GALNT8: variants seen among roughly 807,000 people sequenced by gnomAD.
GALNT8 encodes probable polypeptide N-acetylgalactosaminyltransferase 8.
GALNT8 carries 66 observed loss-of-function variants against 62.7 expected under a neutral mutation model. That is an observed-to-expected ratio of 1.05 (90% CI 0.86 to 1.29). The LOEUF (loss-of-function observed/expected upper bound fraction) is 1.29. Ranked by LOEUF, GALNT8 falls within the 50% of genes most tolerant of loss-of-function variation. The pLI is 0.00. For missense variants in GALNT8, 771 were observed against 791.8 expected (o/e 0.97, Z 0.32); for synonymous variants, 288 against 294.3 (o/e 0.98, Z 0.22).
intron 3 of GALNT8, among the ~76,000 whole-genome samples, chr12:4,743,329 C>G (rs1946280464): frequency 6.6e-6 from 1 of 152,212 alleles, no homozygotes; most frequent in Admixed American, 6.5e-5. Flanking sequence ...CCAGCTTACT[C>G]CCAGAGGAAG....
intron 3 of GALNT8, 61 bp downstream of exon 3, chr12:4,739,390 GA>G (rs1946260935): frequency 1.4e-6 from 2 of 1,435,166 alleles, no homozygotes; most frequent in Admixed American, 3.7e-5. Context: ...TGCTTGGCTG[GA>G]AAGAGGTTTT....
rs1946195448 is a variant in GALNT8 at position 4,726,380 on chromosome 12, C to G, written c.212-152C>G. On this transcript the variant is annotated intron_variant, in intron 1 of 10. Transcript: ENST00000252318. This position sits in a 1 kb window ranked among gnomAD's most constrained non-coding sequence, Gnocchi z 4.1. ...CAGCCTTGCATGGCTGGATAAGTTC[C>G]CTGACATACTACATCCTCTGTGACA... 2 of 617,360 alleles carry G rather than the reference C, an allele frequency of 3.2e-6. No individual in the cohort carries two copies. The highest frequency in any genetic ancestry group is 5.6e-6 in the Non-Finnish European group (2 of 354,798). The allele number at this position is 617,360 out of a possible 1,614,324, so 38.2% of individuals were successfully genotyped here. A position where few individuals can be genotyped will look rare whatever the true frequency, so the allele number is the denominator to read the frequency against.
Position 4,745,452 on chromosome 12 carries a change from T to C in GALNT8, c.884T>C (p.Ile295Thr), listed in dbSNP as rs1330252047. The C allele has an allele frequency of 1.9e-6, 3 of 1,612,492 alleles. No homozygotes were observed. The highest frequency in any genetic ancestry group is 2.5e-6 in the Non-Finnish European group (3 of 1,178,484). The change falls in exon 5 of 11, where the codon ATT (isoleucine) becomes ACT (threonine). Residue 295 changes from isoleucine to threonine, a missense_variant. Coordinates refer to ENST00000252318, the MANE Select transcript of GALNT8 (RefSeq NM_017417.2). ...AGGGCAGAGCCAATCTTGGCTCGGA[T>C]TCAGGAGGACCGCACTGTGATTGTG... ...VGWAEPILAR[I>T]QEDRTVIVSP...
intron 3 of GALNT8, among the ~76,000 whole-genome samples, chr12:4,743,728 G>T (rs1946282576): frequency 6.6e-6 from 1 of 152,184 alleles, no homozygotes; most frequent in Admixed American, 6.5e-5. Flanking sequence ...GTAAAGTGGG[G>T]ATATTGTAGT....
At chr12:4,727,265 C>G (rs1022512267) in intron 2 of GALNT8, among the ~76,000 whole-genome samples, 1 of 152,010 alleles carries the variant, frequency 6.6e-6, no homozygotes, top group African/African-American at 2.4e-5. Context: ...ATCCCTCTCC[C>G]TCTCCATCTG....
chr12:4,759,926 T>C (rs1946364069), intron 6 of GALNT8, among the ~76,000 whole-genome samples: 1 of 152,180 alleles, frequency 6.6e-6, no homozygotes, highest in African/African-American at 2.4e-5. Context: ...TTAGAATGTG[T>C]GTTTTGATTA....
rs774012065 is a variant in GALNT8, at chr12:4,772,592, C to T, written c.1909C>T (p.Gln637Ter). 1 of 1,612,452 alleles carries T rather than the reference C, an allele frequency of 6.2e-7. No homozygotes were observed. Among genetic ancestry groups the T allele is most frequent in the Non-Finnish European group, 8.5e-7 (1 of 1,178,798 alleles). The change falls in exon 11 of 11, where the codon CAG becomes TAG. Residue 637 changes from glutamine to a stop codon, truncating the protein, a stop_gained. Transcript: ENST00000252318. LOFTEE classifies it high-confidence loss of function. ...TVRDWGQTNSQ is the reference protein window; with the variant it reads ...TVRDWGQTNS ...CAGAGACTGGGGTCAGACCAACAGCCAGTGATCCTCAGATGGTGCTGGATC... is the reference window on the plus strand; with the variant it reads ...CAGAGACTGGGGTCAGACCAACAGCTAGTGATCCTCAGATGGTGCTGGATC...
At chr12:4,764,530 A>ATTTTTTTT (rs58809573) in intron 9 of GALNT8, among the ~76,000 whole-genome samples, 21 of 102,242 alleles carry the variant, frequency 2.1e-4, no homozygotes, top group East Asian at 9.2e-4. Context: ...CAGTCAGGGG[A>ATTTTTTTT]TTTTTTTTTT....
chr12:4,736,600 A>G (rs573546967), intron 2 of GALNT8, among the ~76,000 whole-genome samples: 9 of 152,256 alleles, frequency 5.9e-5, no homozygotes, highest in South Asian at 4.2e-4. Context: ...GAAAAGAAAA[A>G]AAAAAAAAAG....
At chr12:4,758,609 T>A (rs1218784477) in intron 6 of GALNT8, among the ~76,000 whole-genome samples, 1 of 69,246 alleles carries the variant, frequency 1.4e-5, no homozygotes, top group Non-Finnish European at 2.7e-5. Context: ...AATGTCTCTG[T>A]GTGTGTGTGT....
Position 4,720,557 on chromosome 12 carries a change from A to G in GALNT8, c.-121A>G. ...CCCATGGGTGTCTCACACAGGGGAG[A>G]CCAACTCAACTGGCACCTAGAACTC... On this transcript the variant is annotated 5_prime_UTR_variant, in exon 1 of 11. Transcript: ENST00000252318. The G allele has an allele frequency of 2.8e-6, 2 of 714,284 alleles. No individual in the cohort carries two copies. Among genetic ancestry groups the G allele is most frequent in the Non-Finnish European group, 5.0e-6 (2 of 398,356 alleles). 44.2% of individuals were successfully genotyped at this position (714,284 alleles called of 1,614,324 possible). A position where few individuals can be genotyped will look rare whatever the true frequency, so the allele number is the denominator to read the frequency against.
chr12:4,733,474 A>G (rs995647583), intron 2 of GALNT8, among the ~76,000 whole-genome samples: 1 of 152,248 alleles, frequency 6.6e-6, no homozygotes, highest in Non-Finnish European at 1.5e-5. Flanking sequence ...CAAAAGATGC[A>G]CAGGAAACAG....
At chr12:4,735,865 G>C (rs1405368459) in intron 2 of GALNT8, among the ~76,000 whole-genome samples, 1 of 152,144 alleles carries the variant, frequency 6.6e-6, no homozygotes, top group Non-Finnish European at 1.5e-5. Context: ...GGAAAGGCAG[G>C]ATGAAAACCT....
intron 1 of GALNT8, 125 bp downstream of exon 1, chr12:4,721,013 A>G (rs1946165361): frequency 4.6e-6 from 3 of 654,744 alleles, no homozygotes; most frequent in Non-Finnish European, 5.6e-6. Flanking sequence ...CGCTCATTGA[A>G]GCATCTGACA....
rs375676553 is a variant in GALNT8 at position 4,726,275 on chromosome 12, G to A, written c.212-257G>A. 1.3e-5 allele frequency among the ~76,000 whole-genome samples: 2 copies of A among 152,096 alleles called. No homozygotes were observed. The highest frequency in any genetic ancestry group is 2.1e-4 in the South Asian group (1 of 4,814). On this transcript the variant is annotated intron_variant, in intron 1 of 10. Coordinates refer to ENST00000252318, the MANE Select transcript of GALNT8 (RefSeq NM_017417.2). The surrounding 1 kb of genome is among the most constrained non-coding windows in gnomAD (Gnocchi z 4.1). ...TTTCTCAGATCATAGTCAGTTCTTC[G>A]AGGAGCTTTGAAGATGTGGGATGGA...
intron 6 of GALNT8, among the ~76,000 whole-genome samples, chr12:4,755,181 C>T (rs1470699672): frequency 1.3e-5 from 2 of 152,208 alleles, no homozygotes; most frequent in Non-Finnish European, 1.5e-5. Context: ...TAGGATTCCC[C>T]TAATAGTTGC....
chr12:4,743,059 C>A (rs945637807), intron 3 of GALNT8, among the ~76,000 whole-genome samples: 15 of 152,286 alleles, frequency 9.8e-5, no homozygotes, highest in Non-Finnish European at 2.2e-4. Context: ...ACTCTGTTGC[C>A]GAGGCTGGCC....
Position 4,764,062 on chromosome 12 carries a change from C to T in GALNT8, c.1593+15C>T. On this transcript the variant is annotated intron_variant, in intron 9 of 10. Transcript: ENST00000252318. ...TCAGCTCACAGGTATCTTCCACAAT[C>T]TTCCTGGCCCTGCCTGGGCAAGTCT... The T allele has an allele frequency of 7.2e-7, 1 of 1,383,040 alleles. No homozygotes were observed. Among genetic ancestry groups the T allele is most frequent in the South Asian group, 1.2e-5 (1 of 86,804 alleles). 85.7% of individuals were successfully genotyped at this position (1,383,040 alleles called of 1,614,324 possible).
intron 10 of GALNT8, among the ~76,000 whole-genome samples, chr12:4,770,070 G>A (rs545375028): frequency 2.0e-5 from 3 of 152,072 alleles, no homozygotes; most frequent in Non-Finnish European, 4.4e-5. Context: ...AGGCCGAGGC[G>A]GGCAGACCAT....
Sources: allele counts gnomAD v4.1 joint callset (sites outside exome capture counted in the v4.1 genomes callset), GRCh38; gene constraint gnomAD v4.1.1; non-coding constraint Gnocchi (gnomAD v3.1); transcripts MANE v1.5; gene names NCBI Gene and HGNC (gene_info 2026-07-23, HGNC 2026-07-21).